Variants in KDM2A observed in about 807,000 individuals in gnomAD.
The protein encoded by KDM2A is lysine demethylase 2A.
A neutral mutation model predicts 137.3 loss-of-function variants in KDM2A; 3 were observed. The observed-to-expected ratio is 0.02, with a 90% CI of 0.01 to 0.06. The LOEUF (loss-of-function observed/expected upper bound fraction) is 0.06, where lower values mean the gene tolerates loss of function less well. Ranked by LOEUF, KDM2A falls within the 10% of genes least tolerant of loss-of-function variation. The pLI is 1.00. For synonymous variants in KDM2A, 512 were observed against 541.5 expected (o/e 0.95, Z 0.76); for missense variants, 738 against 1,510.6 (o/e 0.49, Z 8.48).
chr11:67,142,133 G>T (rs1856119104), intron 2 of KDM2A, among the ~76,000 whole-genome samples: 3 of 151,750 alleles, frequency 2.0e-5, no homozygotes, highest in Admixed American at 2.0e-4. Flanking sequence ...CCACTTCCCA[G>T]GTTCAAATGA....
intron 2 of KDM2A, among the ~76,000 whole-genome samples, chr11:67,154,309 AAATT>A (rs1410651434): frequency 6.6e-6 from 1 of 152,212 alleles, no homozygotes; most frequent in African/African-American, 2.4e-5. Context: ...GTGTAACAGA[AAATT>A]AACCATTGAT....
chr11:67,170,969 C>T (rs531491135), intron 2 of KDM2A, among the ~76,000 whole-genome samples: 70 of 152,050 alleles, frequency 4.6e-4, no homozygotes, highest in Non-Finnish European at 9.6e-4. Context: ...AGCTTTGTAA[C>T]CTGGGCAAGT....
intron 10 of KDM2A, among the ~76,000 whole-genome samples, chr11:67,223,502 A>C (rs1590802456): frequency 6.6e-6 from 1 of 152,076 alleles, no homozygotes; most frequent in Non-Finnish European, 1.5e-5. Flanking sequence ...TCGTAGGCTC[A>C]AGTGATCCTT....
At chr11:67,181,918 TC>T (rs768755482) in intron 5 of KDM2A, 26 bp downstream of exon 5, 1 of 1,605,112 alleles carries the variant, frequency 6.2e-7, no homozygotes, top group South Asian at 1.1e-5. Context: ...TTGGCCTCTG[TC>T]TTTAAGGCAA....
intron 17 of KDM2A, 31 bp from the exon 18 acceptor site, chr11:67,252,663 T>C (rs1203959829): frequency 5.6e-6 from 9 of 1,613,230 alleles, no homozygotes; most frequent in Non-Finnish European, 7.6e-6. Context: ...ATCAAGTTAA[T>C]GAAGGCGAGT....
At chr11:67,232,088 G>A in intron 12 of KDM2A, 128 bp downstream of exon 12, 1 of 854,554 alleles carries the variant, frequency 1.2e-6, no homozygotes, top group Non-Finnish European at 1.8e-6. Flanking sequence ...TAATATGCAT[G>A]TGTGTTTGTT....
chr11:67,219,789 A>G (rs1209151991), intron 10 of KDM2A: 2 of 152,214 alleles, frequency 1.3e-5, no homozygotes, highest in South Asian at 4.1e-4. Flanking sequence ...TGGTTCAAGC[A>G]GTCCTCCCAC....
At chr11:67,240,628 G>A (rs977143160) in intron 12 of KDM2A, among the ~76,000 whole-genome samples, 4 of 152,178 alleles carry the variant, frequency 2.6e-5, no homozygotes, top group African/African-American at 9.7e-5. Flanking sequence ...CCTGTGATCT[G>A]TAGGGTGTGG....
chr11:67,162,314 T>C (rs904232274), intron 2 of KDM2A, among the ~76,000 whole-genome samples: 2 of 152,210 alleles, frequency 1.3e-5, no homozygotes, highest in Non-Finnish European at 2.9e-5. Flanking sequence ...TTAATTCTTA[T>C]TGCCTGTAAA....
intron 2 of KDM2A, among the ~76,000 whole-genome samples, chr11:67,138,149 T>C (rs1856010210): frequency 6.6e-6 from 1 of 152,136 alleles, no homozygotes; most frequent in South Asian, 2.1e-4. Context: ...TTGAGTGAAA[T>C]GCCGTTAAGT....
intron 5 of KDM2A, among the ~76,000 whole-genome samples, chr11:67,185,079 G>C (rs1857173840): frequency 6.6e-6 from 1 of 152,166 alleles, no homozygotes; most frequent in Non-Finnish European, 1.5e-5. Context: ...CTGTCTTAAA[G>C]ATGCTCAGAA....
At chr11:67,174,683 C>T (rs1211684249) in intron 2 of KDM2A, among the ~76,000 whole-genome samples, 1 of 152,066 alleles carries the variant, frequency 6.6e-6, no homozygotes, top group Admixed American at 6.6e-5. Context: ...TACGACTAAA[C>T]TGGGAATGGT....
chr11:67,230,943 G>A (rs7109273), intron 11 of KDM2A, among the ~76,000 whole-genome samples: 1 of 151,030 alleles, frequency 6.6e-6, no homozygotes, highest in Admixed American at 6.6e-5. Context: ...AAAAAAAAAA[G>A]TTTTTTGGTT....
intron 6 of KDM2A, among the ~76,000 whole-genome samples, chr11:67,210,315 A>C (rs965144903): frequency 6.6e-6 from 1 of 152,140 alleles, no homozygotes; most frequent in Non-Finnish European, 1.5e-5. Flanking sequence ...TGGGCAACAT[A>C]ATAAGACCTT....
intron 12 of KDM2A, among the ~76,000 whole-genome samples, chr11:67,238,259 G>A (rs914222213): frequency 6.6e-6 from 1 of 152,070 alleles, no homozygotes; most frequent in African/African-American, 2.4e-5. Context: ...CCTAGTGCCC[G>A]ATGTGATTTT....
At chr11:67,177,597 T>C (rs903646772) in intron 2 of KDM2A, among the ~76,000 whole-genome samples, 3 of 152,122 alleles carry the variant, frequency 2.0e-5, no homozygotes, top group African/African-American at 7.2e-5. Context: ...CACTGGAAGA[T>C]CTTCAGGCAC....
rs771895529 is a variant in KDM2A, at chr11:67,254,392, A to G, written c.3281A>G (p.Tyr1094Cys). Reference protein sequence around the residue: ...LLTAVGSSTRYSLTELNMAGC... With the variant: ...LLTAVGSSTRCSLTELNMAGC... ...ACTGCTGTCGGGTCTTCCACTCGCTACTCTCTCACAGAGCTCAATATGGCA... is the reference window on the plus strand; with the variant it reads ...ACTGCTGTCGGGTCTTCCACTCGCTGCTCTCTCACAGAGCTCAATATGGCA... The change falls in exon 20 of 21, where the codon TAC becomes TGC. Residue 1094 changes from tyrosine (Y) to cysteine (C), a missense_variant. Coordinates refer to ENST00000529006, the MANE Select transcript of KDM2A (RefSeq NM_012308.3). This position sits in a 1 kb window ranked among gnomAD's most constrained non-coding sequence, Gnocchi z 4.7. The G allele has an allele frequency of 6.2e-6, 10 of 1,613,542 alleles. No individual in the cohort carries two copies. The highest frequency in any genetic ancestry group is 1.3e-5 in the African/African-American group (1 of 74,796).
At chr11:67,252,581 G>A (rs1010791007) in intron 17 of KDM2A, 113 bp from the exon 18 acceptor site, 2 of 1,176,678 alleles carry the variant, frequency 1.7e-6, no homozygotes, top group Non-Finnish European at 2.5e-6. Flanking sequence ...CTGTACACTT[G>A]TAGAAGAACG....
intron 2 of KDM2A, among the ~76,000 whole-genome samples, chr11:67,131,238 C>T (rs1417089482): frequency 6.6e-6 from 1 of 151,570 alleles, no homozygotes; most frequent in Non-Finnish European, 1.5e-5. Flanking sequence ...GTGGGAGAAT[C>T]GCCTGAACCT....
Sources: gnomAD v4.1 joint callset for allele counts (sites outside exome capture counted in the v4.1 genomes callset) on GRCh38, gnomAD v4.1.1 for gene constraint, Gnocchi (gnomAD v3.1) non-coding constraint, MANE v1.5 for transcripts, NCBI Gene and HGNC (gene_info 2026-07-23, HGNC 2026-07-21) for gene names.